MAST4: variants seen among roughly 807,000 people sequenced by gnomAD.
MAST4 encodes microtubule associated serine/threonine kinase family member 4.
In MAST4, 89 loss-of-function variants were observed where a neutral mutation model predicts 162.7. The ratio of observed to expected loss-of-function variants is 0.55; its 90% confidence interval spans 0.46 to 0.65. The LOEUF (loss-of-function observed/expected upper bound fraction) is 0.65, where lower values mean the gene tolerates loss of function less well. MAST4 is among the 30% of genes least tolerant of loss of function. The pLI is 0.00. For missense variants in MAST4, 3,153 were observed against 3,374.0 expected (o/e 0.93, Z 1.62); for synonymous variants, 1,479 against 1,361.1 (o/e 1.09, Z -1.91).
chr5:66,680,738 C>T (rs1015947958), intron 1 of MAST4, among the ~76,000 whole-genome samples: 3 of 152,102 alleles, frequency 2.0e-5, no homozygotes, highest in Admixed American at 6.5e-5. Flanking sequence ...TGTGGTGTCA[C>T]CCCCCAAAAA....
At chr5:66,727,646 G>A (rs560435805) in intron 1 of MAST4, among the ~76,000 whole-genome samples, 42 of 152,290 alleles carry the variant, frequency 2.8e-4, no homozygotes, top group Admixed American at 6.5e-4. Flanking sequence ...CTGCACACAA[G>A]GATGGTTATT....
intron 1 of MAST4, among the ~76,000 whole-genome samples, chr5:66,741,768 G>A (rs961279744): frequency 6.6e-6 from 1 of 152,184 alleles, no homozygotes; most frequent in Non-Finnish European, 1.5e-5. Context: ...TCTGGCAGCT[G>A]TAATGATACT....
intron 1 of MAST4, among the ~76,000 whole-genome samples, chr5:66,751,939 G>T (rs562899581): frequency 1.7e-4 from 25 of 151,142 alleles, no homozygotes; most frequent in East Asian, 9.7e-4. Context: ...GACTAACAGC[G>T]GATCTCTGGG....
At chr5:66,752,279 A>G (rs1475593635) in intron 1 of MAST4, among the ~76,000 whole-genome samples, 3 of 152,054 alleles carry the variant, frequency 2.0e-5, no homozygotes, top group Non-Finnish European at 4.4e-5. Context: ...GACAGGATCA[A>G]ATTCACACAT....
chr5:67,086,968 C>T (rs546138262), intron 5 of MAST4, among the ~76,000 whole-genome samples: 42 of 152,182 alleles, frequency 2.8e-4, no homozygotes, highest in Non-Finnish European at 5.4e-4. Context: ...ATTGCTAAGT[C>T]TTCAGAGACT....
chr5:66,866,840 C>T (rs1760560573), intron 3 of MAST4, among the ~76,000 whole-genome samples: 2 of 152,234 alleles, frequency 1.3e-5, no homozygotes, highest in South Asian at 4.1e-4. Context: ...GCCTTGAACT[C>T]CTGGGCCCAA....
chr5:66,776,396 G>A (rs114961485), intron 2 of MAST4, among the ~76,000 whole-genome samples: 2,184 of 152,230 alleles, frequency 0.014, 50 homozygotes, highest in African/African-American at 0.048. Context: ...TCAAATATAA[G>A]TTGTCCTCTG....
intron 4 of MAST4, among the ~76,000 whole-genome samples, chr5:66,990,634 C>G (rs527478078): frequency 1.3e-5 from 2 of 152,160 alleles, no homozygotes; most frequent in South Asian, 4.2e-4. Flanking sequence ...AGCCTTGTCT[C>G]CCCATCACAA....
chr5:67,160,329 T>G, intron 26 of MAST4, 127 bp from the exon 27 acceptor site: 1 of 974,440 alleles, frequency 1.0e-6, no homozygotes, highest in Non-Finnish European at 1.4e-6. Context: ...GAAGGGTTAT[T>G]TAGAAACAGA....
chr5:66,653,639 A>G (rs1022623040), intron 1 of MAST4, among the ~76,000 whole-genome samples: 1 of 152,120 alleles, frequency 6.6e-6, no homozygotes, highest in Non-Finnish European at 1.5e-5. Context: ...GGTGATTCAC[A>G]TCTCCTCCTT....
chr5:66,983,920 C>G (rs1460665549), intron 4 of MAST4, among the ~76,000 whole-genome samples: 1 of 152,188 alleles, frequency 6.6e-6, no homozygotes, highest in African/African-American at 2.4e-5. Context: ...CTCTCAAAAT[C>G]TTTTGGCTGA....
chr5:66,807,595 T>C (rs546338879), intron 3 of MAST4, among the ~76,000 whole-genome samples: 1 of 152,370 alleles, frequency 6.6e-6, no homozygotes, highest in East Asian at 1.9e-4. Context: ...CTTTCTATTT[T>C]TATGTGTATC....
At chr5:66,955,936 G>T (rs1279326874) in intron 4 of MAST4, among the ~76,000 whole-genome samples, 1 of 151,386 alleles carries the variant, frequency 6.6e-6, no homozygotes, top group Non-Finnish European at 1.5e-5. Flanking sequence ...CCATTAAAAA[G>T]TTCATATATT....
chr5:66,778,637 C>G (rs997494274), intron 2 of MAST4, among the ~76,000 whole-genome samples: 1 of 152,162 alleles, frequency 6.6e-6, no homozygotes. Flanking sequence ...TAAAAATAAA[C>G]TATGTGTTAG....
intron 1 of MAST4, among the ~76,000 whole-genome samples, chr5:66,737,297 T>C (rs1299901609): frequency 1.3e-5 from 2 of 152,174 alleles, no homozygotes; most frequent in Non-Finnish European, 2.9e-5. Flanking sequence ...TTCCTCACCA[T>C]GTGGACCTGT....
At chr5:66,609,705 G>GTTTTTTTTTTTTTTTTT (rs77135146) in intron 1 of MAST4, among the ~76,000 whole-genome samples, 2 of 106,758 alleles carry the variant, frequency 1.9e-5, no homozygotes, top group African/African-American at 6.1e-5. Flanking sequence ...TTTTTTTTTT[G>GTTTTTTTTTTTTTTTTT]TTTTTTTTTT....
chr5:67,078,904 T>TAAATAAA, intron 5 of MAST4, among the ~76,000 whole-genome samples: 1 of 36,354 alleles, frequency 2.8e-5, no homozygotes, highest in African/African-American at 1.2e-4. Flanking sequence ...TTATATATTT[T>TAAATAAA]TATATAAATA....
chr5:66,799,345 C>T (rs868370646), intron 3 of MAST4, among the ~76,000 whole-genome samples: 94 of 152,270 alleles, frequency 6.2e-4, no homozygotes, highest in African/African-American at 2.0e-3. Context: ...TAGTGCATAT[C>T]GGAACCAAAG....
At chr5:66,697,624 A>C (rs1029568537) in intron 1 of MAST4, among the ~76,000 whole-genome samples, 1 of 152,226 alleles carries the variant, frequency 6.6e-6, no homozygotes, top group Admixed American at 6.5e-5. Context: ...AGATATGAGA[A>C]TGCAGCTGTC....
Sources: gnomAD v4.1 joint callset for allele counts (sites outside exome capture counted in the v4.1 genomes callset) on GRCh38, gnomAD v4.1.1 for gene constraint, MANE v1.5 for transcripts, NCBI Gene and HGNC (gene_info 2026-07-23, HGNC 2026-07-21) for gene names.